Variants in PHACTR4 observed in about 807,000 individuals in gnomAD.
PHACTR4 encodes protein phosphatase 1, regulatory subunit 124.
A neutral mutation model predicts 72.7 loss-of-function variants in PHACTR4; 51 were observed. The observed-to-expected ratio is 0.70, with a 90% CI of 0.56 to 0.89. The LOEUF is 0.89. Among genes scored for constraint, PHACTR4 ranks in the 40% least tolerant of loss-of-function variants. The pLI, the probability that PHACTR4 is intolerant of heterozygous loss-of-function variation, is 0.00. For missense variants in PHACTR4, 731 were observed against 861.8 expected (o/e 0.85, Z 1.90); for synonymous variants, 255 against 302.5 (o/e 0.84, Z 1.63).
At chr1:28,480,749 C>G in intron 9 of PHACTR4, 145 bp downstream of exon 9, 1 of 1,075,292 alleles carries the variant, frequency 9.3e-7, no homozygotes, top group Non-Finnish European at 1.3e-6. Context: ...GGAGTAGTGG[C>G]GCGATCTCGG....
At chr1:28,421,392 TG>T (rs984720913) in intron 2 of PHACTR4, among the ~76,000 whole-genome samples, 15 of 151,268 alleles carry the variant, frequency 9.9e-5, no homozygotes, top group African/African-American at 1.2e-4. Context: ...TGGGTTTTTT[TG>T]TTTTTTTTTT....
intron 9 of PHACTR4, among the ~76,000 whole-genome samples, chr1:28,487,369 AAAAATAAAAAT>A (rs936959274): frequency 1.3e-5 from 2 of 151,758 alleles, no homozygotes; most frequent in African/African-American, 2.4e-5. Flanking sequence ...CTGCCTAAAA[AAAAATAAAAAT>A]AAAATAAAAA....
Position 28,456,898 on chromosome 1 carries a change from GATAA to G in PHACTR4, c.17-2183_17-2180del, listed in dbSNP as rs1400022833. Among the ~76,000 whole-genome samples the G allele has an allele frequency of 1.2e-4, 15 of 129,832 alleles. No homozygotes were observed. The East Asian group carries it at 3.4e-3, about 30-fold the overall frequency. 85.2% of individuals were successfully genotyped at this position (129,832 alleles called of 152,430 possible). A position where few individuals can be genotyped will look rare whatever the true frequency, so the allele number is the denominator to read the frequency against. ...CGAAACCCTGTCTCTAAAATAACTA[GATAA>G]ATAGATAGAGAGACAGATAGATAGA... On this transcript the variant is annotated intron_variant, in intron 2 of 13. Coordinates refer to ENST00000373839, the MANE Select transcript of PHACTR4 (RefSeq NM_001048183.3).
intron 13 of PHACTR4, 86 bp downstream of exon 13, chr1:28,493,177 G>T: frequency 8.8e-7 from 1 of 1,133,330 alleles, no homozygotes; most frequent in Non-Finnish European, 1.3e-6. Context: ...AATGACATCA[G>T]TAAAAAGGAA....
intron 2 of PHACTR4, among the ~76,000 whole-genome samples, chr1:28,417,578 A>G (rs898671833): frequency 9.9e-5 from 15 of 152,186 alleles, no homozygotes; most frequent in African/African-American, 3.4e-4. Context: ...GGCAGGACAG[A>G]GCAGGATGGC....
At chr1:28,487,537 A>AAAAAAAAG (rs1553205919) in intron 9 of PHACTR4, among the ~76,000 whole-genome samples, 2 of 146,280 alleles carry the variant, frequency 1.4e-5, no homozygotes, top group African/African-American at 5.1e-5. Context: ...AAAAAAAAAA[A>AAAAAAAAG]GGAAGGTCTT....
chr1:28,401,951 TAA>T (rs1653976612), intron 1 of PHACTR4, among the ~76,000 whole-genome samples: 1 of 152,134 alleles, frequency 6.6e-6, no homozygotes, highest in Non-Finnish European at 1.5e-5. Flanking sequence ...TAACAGAATA[TAA>T]GAGTCTGAGA....
intron 2 of PHACTR4, among the ~76,000 whole-genome samples, chr1:28,440,391 A>AT (rs1414224976): frequency 1.1e-5 from 1 of 89,966 alleles, no homozygotes; most frequent in African/African-American, 5.0e-5. Flanking sequence ...AAATTCATCA[A>AT]TTCTTTTTTT....
intron 2 of PHACTR4, among the ~76,000 whole-genome samples, chr1:28,429,439 C>T (rs558081515): frequency 4.6e-5 from 7 of 152,172 alleles, no homozygotes; most frequent in Admixed American, 1.3e-4. Flanking sequence ...TCTATGGTCT[C>T]GACGTTTTTT....
At position 28,496,683 on chromosome 1, in the gene PHACTR4, C is replaced by A. The variant is rs1238772973; in HGVS notation, c.*134C>A. On this transcript the variant is annotated 3_prime_UTR_variant, in exon 14 of 14. Transcript: ENST00000373839. ...CTGGGATCTTCTGAGGTGGACAGCA[C>A]TTTGAATGTAGCATTTCACTGGAAC... The A allele has an allele frequency of 9.9e-7, 1 of 1,012,894 alleles. No individual in the cohort carries two copies. Among genetic ancestry groups the A allele is most frequent in the South Asian group, 1.3e-5 (1 of 76,640 alleles). The allele number at this position is 1,012,894 out of a possible 1,614,324, so 62.7% of individuals were successfully genotyped here. A position where few individuals can be genotyped will look rare whatever the true frequency, so the allele number is the denominator to read the frequency against.
intron 2 of PHACTR4, among the ~76,000 whole-genome samples, chr1:28,426,715 G>A (rs1655884482): frequency 7.0e-6 from 1 of 142,572 alleles, no homozygotes; most frequent in Non-Finnish European, 1.5e-5. Flanking sequence ...TGTTATTACT[G>A]GAAGACTTTT....
chr1:28,405,352 A>T (rs1654242697), intron 1 of PHACTR4, among the ~76,000 whole-genome samples: 1 of 151,884 alleles, frequency 6.6e-6, no homozygotes, highest in South Asian at 2.1e-4. Flanking sequence ...TTTGAGACCG[A>T]ATCTTACTCT....
At chr1:28,419,230 C>T (rs1018306952) in intron 2 of PHACTR4, among the ~76,000 whole-genome samples, 14 of 151,400 alleles carry the variant, frequency 9.2e-5, no homozygotes, top group Admixed American at 7.9e-4. Context: ...GTAATCCACC[C>T]GCCTCGGCCT....
intron 2 of PHACTR4, among the ~76,000 whole-genome samples, chr1:28,445,596 T>C (rs1657407867): frequency 1.3e-5 from 2 of 152,204 alleles, no homozygotes; most frequent in African/African-American, 2.4e-5. Flanking sequence ...GTATGTTCTC[T>C]TTCCTACATT....
At chr1:28,413,705 T>G (rs1199350569) in intron 2 of PHACTR4, among the ~76,000 whole-genome samples, 1 of 152,204 alleles carries the variant, frequency 6.6e-6, no homozygotes, top group Non-Finnish European at 1.5e-5. Context: ...AGATTTTCCT[T>G]GCCCTGCATA....
intron 1 of PHACTR4, among the ~76,000 whole-genome samples, chr1:28,391,104 AG>A (rs965881881): frequency 3.0e-4 from 45 of 150,020 alleles, no homozygotes; most frequent in African/African-American, 1.1e-3. Context: ...GTCTAAAAAC[AG>A]TAAATAAAAA....
chr1:28,476,697 GT>G (rs557918416), intron 8 of PHACTR4, among the ~76,000 whole-genome samples: 1 of 150,930 alleles, frequency 6.6e-6, no homozygotes, highest in South Asian at 2.1e-4. Context: ...GCCACAACTG[GT>G]TAGGTTTCTT....
In PHACTR4 at chr1:28,498,155, G is replaced by T. The variant is rs1052678642; in HGVS notation, c.*1606G>T. The T allele has an allele frequency of 1.3e-5, 2 of 152,264 alleles. No individual in the cohort carries two copies. Among genetic ancestry groups the T allele is most frequent in the South Asian group, 4.1e-4 (2 of 4,828 alleles). The allele number at this position is 152,264 out of a possible 1,614,324, so 9.4% of individuals were successfully genotyped here. ...CTTAAAGCAGAGTTGTATCAACTCT[G>T]TGGGAGCATTTATGAGCTGTCAGTC... On this transcript the variant is annotated 3_prime_UTR_variant, in exon 14 of 14. Transcript: ENST00000373839.
chr1:28,433,096 A>G (rs1656385189), intron 2 of PHACTR4: 1 of 985,148 alleles, frequency 1.0e-6, no homozygotes, highest in African/African-American at 1.7e-5. Flanking sequence ...ACAAATTTTA[A>G]TTCTGCTACT....
Sources: gnomAD v4.1 joint callset for allele counts (sites outside exome capture counted in the v4.1 genomes callset) on GRCh38, gnomAD v4.1.1 for gene constraint, MANE v1.5 for transcripts, NCBI Gene and HGNC (gene_info 2026-07-23, HGNC 2026-07-21) for gene names.